The following LPP variants were observed in gnomAD, a reference collection of about 807,000 sequenced individuals.
LPP encodes the protein lipoma-preferred partner.
LPP carries 38 observed loss-of-function variants against 60.4 expected under a neutral mutation model. The ratio of observed to expected loss-of-function variants is 0.63; its 90% CI spans 0.49 to 0.83. The LOEUF is 0.83. Ranked by LOEUF, LPP falls within the 40% of genes least tolerant of loss-of-function variation. LPP has a pLI of 0.00. For missense variants in LPP, 902 were observed against 783.6 expected (o/e 1.15, Z -1.80); for synonymous variants, 328 against 290.8 (o/e 1.13, Z -1.30).
intron 1 of LPP, among the ~76,000 whole-genome samples, chr3:188,193,585 A>T (rs1478132966): frequency 6.6e-6 from 1 of 152,198 alleles, no homozygotes; most frequent in African/African-American, 2.4e-5. Flanking sequence ...ACAGGACATG[A>T]TATTTGCACA....
intron 9 of LPP, among the ~76,000 whole-genome samples, chr3:188,833,603 G>A (rs140691132): frequency 6.6e-6 from 1 of 152,296 alleles, no homozygotes; most frequent in East Asian, 1.9e-4. Context: ...TTGAAGGGCT[G>A]TTAGAGCCTT....
At chr3:188,192,748 GT>G (rs1443654645) in intron 1 of LPP, among the ~76,000 whole-genome samples, 1 of 152,180 alleles carries the variant, frequency 6.6e-6, no homozygotes, top group Non-Finnish European at 1.5e-5. Context: ...GGAATTTGCA[GT>G]GAGTGACATC....
intron 4 of LPP, among the ~76,000 whole-genome samples, chr3:188,459,439 TC>T (rs1798490925): frequency 6.6e-6 from 1 of 152,116 alleles, no homozygotes; most frequent in Non-Finnish European, 1.5e-5. Context: ...GCAGCTGAGT[TC>T]TTGGTATCAC....
intron 2 of LPP, among the ~76,000 whole-genome samples, chr3:188,259,024 C>A (rs1269570934): frequency 6.6e-6 from 1 of 152,086 alleles, no homozygotes; most frequent in Non-Finnish European, 1.5e-5. Context: ...GCTGTCTTCC[C>A]TTGTAATCTC....
intron 2 of LPP, chr3:188,312,759 C>T (rs1753847883): frequency 6.6e-6 from 1 of 152,108 alleles, no homozygotes; most frequent in South Asian, 2.1e-4. Flanking sequence ...TTTCTTAATA[C>T]TTAAGTATTT....
At chr3:188,225,558 G>C (rs1313416847) in intron 2 of LPP, 31 bp downstream of exon 2, 1 of 152,150 alleles carries the variant, frequency 6.6e-6, no homozygotes, top group Non-Finnish European at 1.5e-5. Flanking sequence ...GAACACATTT[G>C]CCTTTTAAAA....
At chr3:188,177,024 G>T (rs1396271619) in intron 1 of LPP, among the ~76,000 whole-genome samples, 1 of 152,232 alleles carries the variant, frequency 6.6e-6, no homozygotes, top group Non-Finnish European at 1.5e-5. Context: ...ATGAGCTAGA[G>T]GAAGGATAGA....
chr3:188,659,494 A>G (rs1345551466), intron 7 of LPP, among the ~76,000 whole-genome samples: 1 of 152,168 alleles, frequency 6.6e-6, no homozygotes, highest in Admixed American at 6.5e-5. Context: ...GGCCTTTAAT[A>G]TATGTTCGGA....
intron 1 of LPP, among the ~76,000 whole-genome samples, chr3:188,166,896 A>C (rs1720119777): frequency 6.6e-6 from 1 of 150,404 alleles, no homozygotes; most frequent in African/African-American, 2.5e-5. Context: ...TAAGAAATTA[A>C]AAAAACCACC....
At chr3:188,250,744 T>A (rs547234124) in intron 2 of LPP, among the ~76,000 whole-genome samples, 2 of 104,790 alleles carry the variant, frequency 1.9e-5, no homozygotes, top group African/African-American at 8.5e-5. Context: ...CTTTCTTTCT[T>A]TCTTTCTTTC....
At chr3:188,600,798 T>C (rs1269434278) in intron 6 of LPP, among the ~76,000 whole-genome samples, 5 of 151,990 alleles carry the variant, frequency 3.3e-5, no homozygotes, top group Non-Finnish European at 7.4e-5. Flanking sequence ...TGTAGAACCA[T>C]ATGGTATTTG....
At chr3:188,193,686 C>A (rs1472850798) in intron 1 of LPP, among the ~76,000 whole-genome samples, 1 of 151,934 alleles carries the variant, frequency 6.6e-6, no homozygotes, top group Non-Finnish European at 1.5e-5. Context: ...GACTGCTTTG[C>A]CATAAGAACT....
At chr3:188,649,529 G>A (rs879774517) in intron 7 of LPP, among the ~76,000 whole-genome samples, 9 of 152,268 alleles carry the variant, frequency 5.9e-5, no homozygotes, top group Non-Finnish European at 7.3e-5. Context: ...CTTTCCATGC[G>A]GGAAGTGATA....
At chr3:188,342,283 C>G (rs546646968) in intron 3 of LPP, among the ~76,000 whole-genome samples, 1 of 152,260 alleles carries the variant, frequency 6.6e-6, no homozygotes, top group East Asian at 1.9e-4. Context: ...CTTTTGAAAC[C>G]TTGCATCCAT....
intron 7 of LPP, among the ~76,000 whole-genome samples, chr3:188,670,819 A>G (rs1223930678): frequency 6.6e-6 from 1 of 152,156 alleles, no homozygotes; most frequent in Non-Finnish European, 1.5e-5. Flanking sequence ...GGGATTCCAA[A>G]TGGTCACATC....
In LPP at chr3:188,219,759, A is replaced by G. The variant is rs151152626; in HGVS notation, c.-189-5646A>G. Among the ~76,000 whole-genome samples the G allele has an allele frequency of 3.3e-5, 5 of 152,272 alleles. No individual in the cohort carries two copies. The East Asian group carries it at 9.6e-4, about 29-fold the overall frequency. ...GATGCTCCTGCTTACATATCTTTAAATCAAACACATTTCCTACCAACCCCC... is the reference window on the plus strand; with the variant it reads ...GATGCTCCTGCTTACATATCTTTAAGTCAAACACATTTCCTACCAACCCCC... On this transcript the variant is annotated intron_variant, in intron 1 of 11. Transcript: ENST00000617246.
chr3:188,818,102 G>C (rs553229539), intron 9 of LPP, among the ~76,000 whole-genome samples: 2 of 152,136 alleles, frequency 1.3e-5, no homozygotes, highest in Admixed American at 1.3e-4. Context: ...TGCATATCCT[G>C]TAATCAATCC....
intron 6 of LPP, among the ~76,000 whole-genome samples, chr3:188,533,370 T>TA (rs1822707107): frequency 6.6e-6 from 1 of 152,212 alleles, no homozygotes. Context: ...AGACTGTCCC[T>TA]ACAGACTAGA....
chr3:188,700,783 A>G (rs1274185231), intron 7 of LPP, among the ~76,000 whole-genome samples: 2 of 152,194 alleles, frequency 1.3e-5, no homozygotes, highest in East Asian at 3.9e-4. Flanking sequence ...TGAGGTTTCC[A>G]CTTACTCAGT....
Sources: gnomAD v4.1 joint callset for allele counts (sites outside exome capture counted in the v4.1 genomes callset) on GRCh38, gnomAD v4.1.1 for gene constraint, MANE v1.5 for transcripts, NCBI Gene and HGNC (gene_info 2026-07-23, HGNC 2026-07-21) for gene names.